XKR6: variants seen among roughly 807,000 people sequenced by gnomAD.
XKR6 encodes the protein XK related 6, also known as XK-related protein 6.
Under a neutral mutation model 56.7 loss-of-function variants are expected in XKR6, and 22 were observed. That is an observed-to-expected ratio of 0.39 (90% CI 0.28 to 0.55). XKR6 has a LOEUF of 0.55. Ranked by LOEUF, XKR6 falls within the 20% of genes least tolerant of loss-of-function variation. The pLI is 0.66. For missense variants in XKR6, 852 were observed against 889.0 expected, an observed-to-expected ratio of 0.96 and a Z score of 0.53; for synonymous variants, 524 against 387.8, an observed-to-expected ratio of 1.35 and a Z score of -4.13.
chr8:10,917,170 C>T (rs73192809), intron 2 of XKR6, among the ~76,000 whole-genome samples: 22,027 of 151,954 alleles, frequency 0.14, 2,010 homozygotes, highest in Non-Finnish European at 0.21. Flanking sequence ...GGCATTTGGA[C>T]CATGTCTTCT....
intron 1 of XKR6, among the ~76,000 whole-genome samples, chr8:11,027,004 C>T (rs1378476540): frequency 3.9e-5 from 6 of 152,296 alleles, no homozygotes; most frequent in African/African-American, 1.4e-4. Context: ...GTCTAGCCTA[C>T]TATACACTTA....
At chr8:11,146,201 A>T (rs991544410) in intron 1 of XKR6, among the ~76,000 whole-genome samples, 2 of 152,278 alleles carry the variant, frequency 1.3e-5, no homozygotes, top group Non-Finnish European at 2.9e-5. Context: ...ACAAAAAGTA[A>T]TGTAAAATGG....
chr8:11,160,966 T>C (rs1357837345), intron 1 of XKR6, among the ~76,000 whole-genome samples: 1 of 130,800 alleles, frequency 7.6e-6, no homozygotes, highest in African/African-American at 2.9e-5. Context: ...AGAAACAGAA[T>C]AACTACTTCA....
At chr8:11,127,685 C>A (rs1469324580) in intron 1 of XKR6, among the ~76,000 whole-genome samples, 4 of 152,184 alleles carry the variant, frequency 2.6e-5, no homozygotes, top group Non-Finnish European at 5.9e-5. Context: ...ATCAGGCCCA[C>A]CTTACCCAGA....
chr8:10,932,980 A>G (rs1017894338), intron 1 of XKR6, among the ~76,000 whole-genome samples: 95 of 151,058 alleles, frequency 6.3e-4, no homozygotes, highest in Middle Eastern at 3.4e-3. Flanking sequence ...TTCTAGTTCT[A>G]GATCCCTGAG....
intron 2 of XKR6, among the ~76,000 whole-genome samples, chr8:10,917,428 A>G (rs1007830492): frequency 6.6e-5 from 10 of 152,164 alleles, no homozygotes; most frequent in Non-Finnish European, 1.5e-4. Flanking sequence ...CAACATGTCG[A>G]GGTCTGCTTT....
chr8:11,138,940 G>C (rs547184845), intron 1 of XKR6, among the ~76,000 whole-genome samples: 1 of 150,776 alleles, frequency 6.6e-6, no homozygotes, highest in East Asian at 1.9e-4. Context: ...AAAAAAACCT[G>C]ACCTCAAGAT....
At chr8:10,968,773 G>C (rs1467393721) in intron 1 of XKR6, among the ~76,000 whole-genome samples, 1 of 152,238 alleles carries the variant, frequency 6.6e-6, no homozygotes. Context: ...AGAGAAGAAA[G>C]AGGAAAATAG....
intron 1 of XKR6, among the ~76,000 whole-genome samples, chr8:10,973,385 C>T (rs1802463342): frequency 6.6e-6 from 1 of 152,152 alleles, no homozygotes; most frequent in African/African-American, 2.4e-5. Flanking sequence ...CCCTGGACCC[C>T]AACCTGAGAA....
At chr8:11,051,328 G>C (rs1314373218) in intron 1 of XKR6, among the ~76,000 whole-genome samples, 1 of 151,696 alleles carries the variant, frequency 6.6e-6, no homozygotes, top group African/African-American at 2.4e-5. Flanking sequence ...TCTCCCCCTC[G>C]GTACTTTCCT....
intron 1 of XKR6, among the ~76,000 whole-genome samples, chr8:11,178,754 T>G (rs1268327720): frequency 2.7e-5 from 4 of 150,292 alleles, no homozygotes; most frequent in Admixed American, 1.3e-4. Context: ...TTACATATGG[T>G]AGGTAACGTT....
At chr8:11,190,787 G>A (rs933446603) in intron 1 of XKR6, among the ~76,000 whole-genome samples, 1 of 152,094 alleles carries the variant, frequency 6.6e-6, no homozygotes, top group Admixed American at 6.5e-5. Flanking sequence ...TGTGAGCTCT[G>A]GCTTCAAAAG....
intron 2 of XKR6, among the ~76,000 whole-genome samples, chr8:10,899,900 A>G (rs1799986833): frequency 6.6e-6 from 1 of 152,194 alleles, no homozygotes; most frequent in Non-Finnish European, 1.5e-5. Flanking sequence ...CAAATGAAAC[A>G]CAATCCATTG....
intron 1 of XKR6, among the ~76,000 whole-genome samples, chr8:11,164,559 T>C (rs905061880): frequency 2.0e-5 from 3 of 152,244 alleles, no homozygotes; most frequent in African/African-American, 7.2e-5. Flanking sequence ...TTAAAAGATA[T>C]ATGGCTTTGT....
At chr8:11,083,839 C>T (rs553090003) in intron 1 of XKR6, among the ~76,000 whole-genome samples, 4 of 151,984 alleles carry the variant, frequency 2.6e-5, no homozygotes, top group South Asian at 2.1e-4. Flanking sequence ...AACTGTATGC[C>T]CACTATGATT....
intron 1 of XKR6, among the ~76,000 whole-genome samples, chr8:11,125,156 A>G (rs1284912716): frequency 6.6e-6 from 1 of 152,068 alleles, no homozygotes; most frequent in African/African-American, 2.4e-5. Context: ...TGTGAAAGCA[A>G]GCGTGGGGCC....
At chr8:11,195,073 T>G in intron 1 of XKR6, 1 of 697,108 alleles carries the variant, frequency 1.4e-6, no homozygotes, top group Non-Finnish European at 2.6e-6. Context: ...TATCTCTGTC[T>G]CAATTTAACC....
intron 2 of XKR6, among the ~76,000 whole-genome samples, chr8:10,900,978 A>G (rs540382709): frequency 1.4e-5 from 2 of 147,634 alleles, no homozygotes; most frequent in African/African-American, 5.0e-5. Flanking sequence ...TCTCCCATAC[A>G]TGGGACCGCA....
In XKR6 at chr8:11,200,936, G is replaced by A. The variant is rs1804188769; in HGVS notation, c.404C>T (p.Ala135Val). Residue 135 changes from alanine to valine, a missense_variant, in exon 1 of 3, where the codon GCG becomes GTG. Ala to Val is a moderately conservative substitution (Grantham distance 64). Transcript: ENST00000416569. The surrounding 1 kb of genome is among the most constrained non-coding windows in gnomAD (Gnocchi z 6.4). ...CACGTCCCCGAAGAACACCAGCAGC[G>A]CCAGCACGATCCACAGGCAGTCGAG... is the stretch of plus-strand genomic sequence containing the variant. ...PWLDCLWIVL[A>V]LLVFFGDVGT... is the part of the protein sequence containing the mutation. 6.2e-7 allele frequency: 1 copy of A among 1,603,950 alleles called. No homozygotes were observed. Among genetic ancestry groups the A allele is most frequent in the South Asian group, 1.1e-5 (1 of 90,656 alleles).
Sources: gnomAD v4.1 joint callset for allele counts (sites outside exome capture counted in the v4.1 genomes callset) on GRCh38, gnomAD v4.1.1 for gene constraint, Gnocchi (gnomAD v3.1) non-coding constraint, MANE v1.5 for transcripts, NCBI Gene and HGNC (gene_info 2026-07-23, HGNC 2026-07-21) for gene names.